CCNB1IP1: variants seen among roughly 807,000 people sequenced by gnomAD.
The protein encoded by CCNB1IP1 is E3 ubiquitin-protein ligase CCNB1IP1.
Under a neutral mutation model 25.6 loss-of-function variants are expected in CCNB1IP1, and 14 were observed. The observed-to-expected ratio is 0.55, with a 90% CI of 0.36 to 0.85. The LOEUF (loss-of-function observed/expected upper bound fraction) is 0.85. Among genes scored for constraint, CCNB1IP1 ranks in the 40% least tolerant of loss-of-function variants. The pLI is 0.01. For missense variants in CCNB1IP1, 278 were observed against 342.4 expected (o/e 0.81, Z 1.48); for synonymous variants, 119 against 116.1 (o/e 1.02, Z -0.16).
intron 5 of CCNB1IP1, chr14:20,314,556 G>A (rs1264540683): frequency 6.6e-6 from 1 of 152,096 alleles, no homozygotes; most frequent in African/African-American, 2.4e-5. Flanking sequence ...ATTTGGCAGT[G>A]ACTTTTAAAA....
chr14:20,312,889 T>C (rs1163845263), intron 6 of CCNB1IP1, among the ~76,000 whole-genome samples: 2 of 152,002 alleles, frequency 1.3e-5, no homozygotes, highest in Admixed American at 1.3e-4. Context: ...GGAAAAATGA[T>C]TAGACAAAAG....
At chr14:20,320,875 C>T (rs991549334) in intron 4 of CCNB1IP1, among the ~76,000 whole-genome samples, 1 of 148,398 alleles carries the variant, frequency 6.7e-6, no homozygotes, top group African/African-American at 2.5e-5. Flanking sequence ...CAATGGCTCA[C>T]GCCTATAATC....
chr14:20,311,625 A>G lies in CCNB1IP1; in HGVS notation c.759T>C (p.Phe253=), dbSNP rs1882483759. ...PTAPEPSNSF[F]SFVSPSRELE... ...ATTCACGACTTGGAGAGACAAAACT[A>G]AAAAAGCTGTTGCTGGGTTCAGGTG... Residue 253 remains phenylalanine, a synonymous_variant, in exon 7 of 7, where the codon TTT becomes TTC. Transcript: ENST00000358932. The G allele has an allele frequency of 2.5e-6, 4 of 1,614,088 alleles. No homozygotes were observed. Among genetic ancestry groups the G allele is most frequent in the Non-Finnish European group, 1.7e-6 (2 of 1,179,996 alleles).
At chr14:20,321,658 G>C (rs1882900683) in intron 4 of CCNB1IP1, among the ~76,000 whole-genome samples, 1 of 152,038 alleles carries the variant, frequency 6.6e-6, no homozygotes, top group Admixed American at 6.6e-5. Flanking sequence ...TCACCATCTT[G>C]GCCAGGCTGG....
intron 4 of CCNB1IP1, chr14:20,323,163 T>G (rs1882951009): frequency 6.6e-6 from 1 of 152,150 alleles, no homozygotes; most frequent in South Asian, 2.1e-4. Context: ...TAATCTGGAA[T>G]CACCACCCGT....
At chr14:20,316,127 C>T in intron 5 of CCNB1IP1, 100 bp downstream of exon 5, 1 of 1,023,294 alleles carries the variant, frequency 9.8e-7, no homozygotes, top group East Asian at 2.6e-5. Context: ...TTCTCATATA[C>T]TCATAAAAAA....
chr14:20,321,484 GCT>G (rs1882894092), intron 4 of CCNB1IP1, among the ~76,000 whole-genome samples: 1 of 149,418 alleles, frequency 6.7e-6, no homozygotes, highest in African/African-American at 2.5e-5. Context: ...ACGGAGTCTT[GCT>G]CTGTCACCCA....
intron 4 of CCNB1IP1, among the ~76,000 whole-genome samples, chr14:20,324,985 A>AT (rs945571709): frequency 2.0e-5 from 3 of 151,842 alleles, no homozygotes; most frequent in Non-Finnish European, 2.9e-5. Context: ...AATTTTTTGT[A>AT]TTTTTTTAGT....
intron 5 of CCNB1IP1, 119 bp from the exon 6 acceptor site, chr14:20,313,920 T>G (rs1438747052): frequency 5.6e-6 from 4 of 711,694 alleles, no homozygotes; most frequent in Non-Finnish European, 8.5e-6. Flanking sequence ...TTTTATCATT[T>G]AGAACCCAGT....
At chr14:20,325,254 T>A (rs112745625) in intron 4 of CCNB1IP1, among the ~76,000 whole-genome samples, 13,042 of 150,320 alleles carry the variant, frequency 0.087, 953 homozygotes, top group African/African-American at 0.19. Flanking sequence ...ACCCCGTCTC[T>A]ACTAAAAATA....
chr14:20,323,917 CAAAAAAA>C (rs59156707), intron 4 of CCNB1IP1, among the ~76,000 whole-genome samples: 4 of 73,718 alleles, frequency 5.4e-5, no homozygotes, highest in African/African-American at 2.3e-4. Context: ...GACTCCGTCT[CAAAAAAA>C]AAAAAAAAAA....
intron 1 of CCNB1IP1, among the ~76,000 whole-genome samples, chr14:20,329,699 C>T (rs1883178548): frequency 6.6e-6 from 1 of 151,994 alleles, no homozygotes; most frequent in Non-Finnish European, 1.5e-5. Flanking sequence ...TTGAATATAC[C>T]CAGAAATGGG....
In CCNB1IP1 at chr14:20,316,474, A is replaced by G. The variant is rs1269113596; in HGVS notation, c.50T>C (p.Ile17Thr). The change falls in exon 5 of 7, where the codon ATC becomes ACC. Residue 17 changes from isoleucine to threonine, a missense_variant. Ile to Thr is a moderately conservative substitution (Grantham distance 89, BLOSUM62 -1). Transcript: ENST00000358932. ...GACCCATGCATAGCCAGAGAGTTTGATGCGACACTTTCGATAATTACAAAG... is the reference window on the plus strand; with the variant it reads ...GACCCATGCATAGCCAGAGAGTTTGGTGCGACACTTTCGATAATTACAAAG... The part of the protein sequence containing the change: ...MLLCNYRKCR[I>T]KLSGYAWVTA... 1 of 1,613,106 alleles carries G rather than the reference A, an allele frequency of 6.2e-7. No individual in the cohort carries two copies.
intron 4 of CCNB1IP1, among the ~76,000 whole-genome samples, 197 bp downstream of exon 4, chr14:20,325,342 A>G (rs1474514032): frequency 6.7e-5 from 10 of 148,196 alleles, no homozygotes; most frequent in Non-Finnish European, 3.0e-5. Flanking sequence ...AATGGCGTGA[A>G]CCCGGGAGGC....
chr14:20,325,435 A>AAAAAG (rs1883046049), intron 4 of CCNB1IP1, 104 bp downstream of exon 4: 2 of 151,398 alleles, frequency 1.3e-5, no homozygotes, highest in Non-Finnish European at 2.9e-5. Context: ...AAAAAAAAAA[A>AAAAAG]GTGAAATTTA....
In CCNB1IP1 at chr14:20,313,707, C is replaced by T; in HGVS notation, c.392G>A (p.Ser131Asn). The change falls in exon 6 of 7, where the codon AGC becomes AAC. Residue 131 changes from serine (S) to asparagine (N), a missense_variant. Coordinates refer to ENST00000358932, the MANE Select transcript of CCNB1IP1 (RefSeq NM_021178.5). ...CATAGAGGTCAATTCTACATCCTTG[C>T]TTTGTATTTGCTGAGTATATATCTT... ...MEKIYTQQIQ[S>N]KDVELTSMKG... The T allele has an allele frequency of 6.2e-7, 1 of 1,614,090 alleles. No individual in the cohort carries two copies. The highest frequency in any genetic ancestry group is 1.1e-5 in the South Asian group (1 of 91,072).
intron 2 of CCNB1IP1, among the ~76,000 whole-genome samples, chr14:20,328,597 TA>T (rs201954360): frequency 1.0e-4 from 15 of 148,570 alleles, no homozygotes; most frequent in Admixed American, 4.0e-4. Flanking sequence ...AAAAGGAAAT[TA>T]AAAAAAAAAC....
intron 6 of CCNB1IP1, 101 bp downstream of exon 6, chr14:20,313,367 G>A: frequency 1.1e-6 from 1 of 927,648 alleles, no homozygotes; most frequent in African/African-American, 1.6e-5. Context: ...CTCAATGCTT[G>A]TCTTATCCTT....
At chr14:20,320,907 G>A (rs531010512) in intron 4 of CCNB1IP1, among the ~76,000 whole-genome samples, 1 of 151,908 alleles carries the variant, frequency 6.6e-6, no homozygotes, top group Admixed American at 6.6e-5. Context: ...GGGGGTCAAG[G>A]TGGGTGGATC....
Sources: gnomAD v4.1 joint callset for allele counts (sites outside exome capture counted in the v4.1 genomes callset) on GRCh38, gnomAD v4.1.1 for gene constraint, MANE v1.5 for transcripts, NCBI Gene and HGNC (gene_info 2026-07-23, HGNC 2026-07-21) for gene names.